FBXO27: variants seen among roughly 807,000 people sequenced by gnomAD.
FBXO27 encodes F-box only protein 27.
FBXO27 carries 28 observed loss-of-function variants against 28.3 expected under a neutral mutation model. The ratio of observed to expected loss-of-function variants is 0.99; its 90% CI spans 0.73 to 1.36. The LOEUF is 1.36. Ranked by LOEUF, FBXO27 falls within the 40% of genes most tolerant of loss-of-function variation. FBXO27 has a pLI of 0.00. For missense variants in FBXO27, 388 were observed against 394.1 expected (o/e 0.98, Z 0.13); for synonymous variants, 175 against 167.3 (o/e 1.05, Z -0.36).
intron 2 of FBXO27, among the ~76,000 whole-genome samples, chr19:39,006,356 G>A (rs1359103745): frequency 3.3e-5 from 5 of 151,928 alleles, no homozygotes; most frequent in Admixed American, 6.6e-5. Context: ...TTGGGAGTTC[G>A]AGACCAGCCC....
At chr19:39,019,546 A>T (rs550399870), downstream of FBXO27, among the ~76,000 whole-genome samples, 1 of 151,144 alleles carries the variant, frequency 6.6e-6, no homozygotes, top group African/African-American at 2.4e-5. Context: ...AGCTAAAGGA[A>T]GGTGAGGGAC....
downstream of FBXO27, among the ~76,000 whole-genome samples, chr19:39,022,956 C>G (rs577648230): frequency 9.2e-5 from 14 of 152,138 alleles, no homozygotes; most frequent in African/African-American, 2.9e-4. Flanking sequence ...CACCACCATG[C>G]CTGGCTAATT....
chr19:39,031,798 C>G, intron 2 of FBXO27, 66 bp downstream of exon 2: 1 of 1,406,310 alleles, frequency 7.1e-7, no homozygotes, highest in East Asian at 2.8e-5. Flanking sequence ...GCGGCCCCGC[C>G]CCTCCGGCCC....
chr19:39,031,810 G>A (rs2072906219), intron 2 of FBXO27, 54 bp downstream of exon 2: 4 of 1,417,360 alleles, frequency 2.8e-6, no homozygotes, highest in Middle Eastern at 2.5e-4. Flanking sequence ...CTCCGGCCCC[G>A]CTACCGCTCC....
chr19:39,025,648 A>T (rs921782996), intron 5 of FBXO27, 94 bp from the exon 6 acceptor site: 13 of 1,443,412 alleles, frequency 9.0e-6, no homozygotes, highest in Non-Finnish European at 1.2e-5. Flanking sequence ...TTTTCCAAGG[A>T]TGGCTATAAA....
At chr19:39,022,388 G>C (rs2144893616), downstream of FBXO27, among the ~76,000 whole-genome samples, 1 of 151,906 alleles carries the variant, frequency 6.6e-6, no homozygotes, top group African/African-American at 2.4e-5. Context: ...CAATTCTCCT[G>C]CCTAGGCTTC....
intron 2 of FBXO27, among the ~76,000 whole-genome samples, chr19:39,013,967 C>T (rs1379843805): frequency 2.0e-5 from 3 of 152,042 alleles, no homozygotes; most frequent in African/African-American, 7.2e-5. Flanking sequence ...GAGCTGAGAT[C>T]ACGCCACTGC....
chr19:39,023,539 C>T (rs1027208451), downstream of FBXO27, among the ~76,000 whole-genome samples: 1 of 151,976 alleles, frequency 6.6e-6, no homozygotes, highest in Non-Finnish European at 1.5e-5. Context: ...TTTTCTTCCT[C>T]ATTGTAGCCA....
At chr19:39,022,969 T>C (rs2072852801), downstream of FBXO27, among the ~76,000 whole-genome samples, 1 of 151,930 alleles carries the variant, frequency 6.6e-6, no homozygotes, top group South Asian at 2.1e-4. Context: ...GGCTAATTTT[T>C]TTTTTTTGTA....
intron 2 of FBXO27, among the ~76,000 whole-genome samples, chr19:39,009,574 C>T (rs1486879778): frequency 4.6e-5 from 7 of 152,144 alleles, no homozygotes; most frequent in Non-Finnish European, 2.9e-5. Context: ...CATGTACTTA[C>T]CGAACACTGG....
intron 1 of FBXO27, among the ~76,000 whole-genome samples, chr19:39,018,732 A>G (rs55894804): frequency 0.12 from 17,867 of 152,170 alleles, 1,173 homozygotes; most frequent in African/African-American, 0.15. Flanking sequence ...GCCGGCAAGC[A>G]GGAAATCCTT....
intron 1 of FBXO27, among the ~76,000 whole-genome samples, chr19:39,018,523 C>T (rs1247328271): frequency 6.6e-6 from 1 of 151,932 alleles, no homozygotes; most frequent in Non-Finnish European, 1.5e-5. Context: ...ACCACGGGAC[C>T]CATGCAAAGT....
chr19:39,018,433 T>C (rs1007684676), intron 1 of FBXO27, among the ~76,000 whole-genome samples: 1 of 152,148 alleles, frequency 6.6e-6, no homozygotes, highest in African/African-American at 2.4e-5. Context: ...GTAAATTGCA[T>C]AGCGCAGTAA....
chr19:39,011,534 G>T (rs1171234890), intron 2 of FBXO27, among the ~76,000 whole-genome samples: 1 of 152,088 alleles, frequency 6.6e-6, no homozygotes, highest in Non-Finnish European at 1.5e-5. Context: ...GATGAACATG[G>T]GGTATCTATT....
chr19:39,027,752 G>A (rs118135705), intron 4 of FBXO27, among the ~76,000 whole-genome samples: 47 of 152,052 alleles, frequency 3.1e-4, no homozygotes, highest in Non-Finnish European at 5.6e-4. Context: ...GGACTCAGGC[G>A]ATCTTCCTGC....
chr19:39,028,564 G>A (rs571966776), intron 4 of FBXO27, among the ~76,000 whole-genome samples: 21 of 151,474 alleles, frequency 1.4e-4, no homozygotes, highest in African/African-American at 4.1e-4. Context: ...GCAAAACCCC[G>A]TCTCTACAGA....
chr19:39,022,941 G>A (rs558563739), downstream of FBXO27, among the ~76,000 whole-genome samples: 5 of 152,056 alleles, frequency 3.3e-5, no homozygotes, highest in South Asian at 1.0e-3. Context: ...GGGATTACAG[G>A]TGCCCACCAC....
chr19:39,029,881 G>A (rs1288087584), intron 4 of FBXO27, among the ~76,000 whole-genome samples: 1 of 152,010 alleles, frequency 6.6e-6, no homozygotes. Flanking sequence ...TCGCTCTGTT[G>A]CCCAGGCTGG....
Position 39,025,460 on chromosome 19 carries a change from C to T in FBXO27, c.803G>A (p.Gly268Glu). The part of the protein sequence containing the change: ...QDTQFWAGHY[G>E]ARVTNSSVIV... ...CACACTGGAGTTGGTCACACGGGCT[C>T]CATAGTGGCCAGCCCAGAACTGTGT... Residue 268 changes from glycine to glutamate, a missense_variant, in exon 6 of 6, where the codon GGA becomes GAA. Gly to Glu is a moderately conservative substitution (Grantham distance 98). Transcript: ENST00000292853. The T allele has an allele frequency of 6.2e-7, 1 of 1,614,148 alleles. No homozygotes were observed.
Sources: gnomAD v4.1 joint callset for allele counts (sites outside exome capture counted in the v4.1 genomes callset) on GRCh38, gnomAD v4.1.1 for gene constraint, MANE v1.5 for transcripts, NCBI Gene and HGNC (gene_info 2026-07-23, HGNC 2026-07-21) for gene names.